BCAS3: variants seen among roughly 807,000 people sequenced by gnomAD.
BCAS3 encodes BCAS4/BCAS3 fusion.
A neutral mutation model predicts 116.1 loss-of-function variants in BCAS3; 53 were observed. That is an observed-to-expected ratio of 0.46 (90% CI 0.37 to 0.57). BCAS3 has a LOEUF of 0.57. Among genes scored for constraint, BCAS3 ranks in the 20% least tolerant of loss-of-function variants. The probability of loss-of-function intolerance (pLI) is 0.00; values close to 1 mark genes in which losing one functional copy is unlikely to be tolerated. For missense variants in BCAS3, 917 were observed against 1,165.4 expected (o/e 0.79, Z 3.10); for synonymous variants, 391 against 408.2 (o/e 0.96, Z 0.51).
chr17:60,861,749 TG>T (rs1256159600), intron 7 of BCAS3, among the ~76,000 whole-genome samples: 7 of 152,242 alleles, frequency 4.6e-5, no homozygotes, highest in Admixed American at 3.9e-4. Flanking sequence ...GATGATCATT[TG>T]TTTTTTTGTT....
At chr17:61,187,151 C>T (rs2079829779) in intron 22 of BCAS3, among the ~76,000 whole-genome samples, 2 of 152,184 alleles carry the variant, frequency 1.3e-5, no homozygotes, top group South Asian at 4.1e-4. Context: ...ATTGAGTCAA[C>T]TTGCCAACAC....
intron 6 of BCAS3, among the ~76,000 whole-genome samples, chr17:60,804,192 T>A (rs1281948362): frequency 4.0e-5 from 6 of 151,098 alleles, no homozygotes; most frequent in African/African-American, 7.3e-5. Flanking sequence ...GTAAAAAAGG[T>A]AGTATATTGG....
At chr17:60,774,409 G>A (rs749032329) in intron 6 of BCAS3, among the ~76,000 whole-genome samples, 17 of 152,234 alleles carry the variant, frequency 1.1e-4, no homozygotes, top group Admixed American at 1.3e-4. Flanking sequence ...GAATTTTAAT[G>A]TGGTTATCTA....
intron 7 of BCAS3, among the ~76,000 whole-genome samples, chr17:60,814,974 C>T (rs1030327722): frequency 2.6e-5 from 4 of 152,152 alleles, no homozygotes; most frequent in Admixed American, 1.3e-4. Flanking sequence ...GATTATAAAT[C>T]ATGCTGCTAT....
At chr17:60,947,185 T>A (rs777756144) in intron 13 of BCAS3, 34 bp from the exon 14 acceptor site, 2 of 1,583,384 alleles carry the variant, frequency 1.3e-6, no homozygotes, top group African/African-American at 2.7e-5. Flanking sequence ...TACATAATCA[T>A]TTTTATTTTT....
At chr17:60,789,418 T>G (rs2046563967) in intron 6 of BCAS3, among the ~76,000 whole-genome samples, 1 of 152,166 alleles carries the variant, frequency 6.6e-6, no homozygotes, top group Non-Finnish European at 1.5e-5. Context: ...GGAGAGGAGT[T>G]GGTGACTTGG....
At chr17:61,369,757 C>T (rs537937599) in intron 23 of BCAS3, among the ~76,000 whole-genome samples, 5 of 152,344 alleles carry the variant, frequency 3.3e-5, no homozygotes, top group African/African-American at 4.8e-5. Flanking sequence ...GGTAGCATGT[C>T]ATCATGCCAC....
At chr17:60,693,117 C>T (rs1162159744) in intron 4 of BCAS3, among the ~76,000 whole-genome samples, 1 of 151,878 alleles carries the variant, frequency 6.6e-6, no homozygotes, top group African/African-American at 2.4e-5. Flanking sequence ...CTCAGGTCAT[C>T]TGCCCGCTTT....
chr17:61,356,597 A>G lies in BCAS3; in HGVS notation c.2426-11730A>G, dbSNP rs1015053323. ...GTGTGAGGGCCTCAGCCATTTCTTG[A>G]CAGTCATGAAAAGGTGTCTCCTAGG... is the stretch of plus-strand genomic sequence containing the variant. On this transcript the variant is annotated intron_variant, in intron 22 of 23. Coordinates refer to ENST00000407086, the MANE Select transcript of BCAS3 (RefSeq NM_017679.5). This position sits in a 1 kb window ranked among gnomAD's most constrained non-coding sequence, Gnocchi z 5.4. Among the ~76,000 whole-genome samples, 1 of 152,152 alleles carries G rather than the reference A, an allele frequency of 6.6e-6. No individual in the cohort carries two copies. Among genetic ancestry groups the G allele is most frequent in the Non-Finnish European group, 1.5e-5 (1 of 68,014 alleles).
In BCAS3 at chr17:61,211,455, C is replaced by G. The variant is rs1413893273; in HGVS notation, c.2425+126891C>G. Among the ~76,000 whole-genome samples, 2 of 152,138 alleles carry G rather than the reference C, an allele frequency of 1.3e-5. No homozygotes were observed. The highest frequency in any genetic ancestry group is 4.8e-5 in the African/African-American group (2 of 41,436). ...AATTTGAGCCCTTTTGAGTTGACCT[C>G]CCTTGGATGAGTAGCTCTTTGAAAG... On this transcript the variant is annotated intron_variant, in intron 22 of 23. Transcript: ENST00000407086. The surrounding 1 kb of genome is among the most constrained non-coding windows in gnomAD (Gnocchi z 4.4).
chr17:61,257,147 C>G (rs1245323507), intron 22 of BCAS3, among the ~76,000 whole-genome samples: 1 of 152,042 alleles, frequency 6.6e-6, no homozygotes, highest in Non-Finnish European at 1.5e-5. Flanking sequence ...ACTGGCCAGG[C>G]GTGGTGGCTC....
intron 7 of BCAS3, among the ~76,000 whole-genome samples, chr17:60,821,476 A>G (rs1248177907): frequency 6.6e-6 from 1 of 152,134 alleles, no homozygotes; most frequent in Non-Finnish European, 1.5e-5. Context: ...CTTATTCCCC[A>G]AAGTTTCCTC....
chr17:61,200,011 A>G lies in BCAS3; in HGVS notation c.2425+115447A>G, dbSNP rs969946918. ...AGGAAATTGGAAACACCAATTTTGG[A>G]TGAGATAAGTTACCCTTTCTTCCAG... is the stretch of plus-strand genomic sequence containing the variant. On this transcript the variant is annotated intron_variant, in intron 22 of 23. Transcript: ENST00000407086. The surrounding 1 kb of genome is among the most constrained non-coding windows in gnomAD (Gnocchi z 5.1). Among the ~76,000 whole-genome samples the G allele has an allele frequency of 2.6e-5, 4 of 152,174 alleles. No homozygotes were observed. The highest frequency in any genetic ancestry group is 5.9e-5 in the Non-Finnish European group (4 of 68,024).
intron 4 of BCAS3, among the ~76,000 whole-genome samples, chr17:60,690,719 A>C (rs1165895700): frequency 6.6e-6 from 1 of 151,922 alleles, no homozygotes; most frequent in Non-Finnish European, 1.5e-5. Context: ...TCAGGAGTTC[A>C]AGACCAGCCT....
chr17:60,761,327 A>T (rs2043506366), intron 6 of BCAS3, among the ~76,000 whole-genome samples: 1 of 152,012 alleles, frequency 6.6e-6, no homozygotes, highest in African/African-American at 2.4e-5. Context: ...CTCGTCATTG[A>T]CATTAGATAT....
At position 61,037,425 on chromosome 17, in the gene BCAS3, T is replaced by C. The variant is rs1257516833; in HGVS notation, c.1763-464T>C. On this transcript the variant is annotated intron_variant, in intron 17 of 23. Coordinates refer to ENST00000407086, the MANE Select transcript of BCAS3 (RefSeq NM_017679.5). This position sits in a 1 kb window ranked among gnomAD's most constrained non-coding sequence, Gnocchi z 4.7. Reference sequence around the variant, plus strand: ...ATATCATAGACATTTTCATATTCACTAGCATGTGCTTATACGAGGCAACCT... The same window carrying C: ...ATATCATAGACATTTTCATATTCACCAGCATGTGCTTATACGAGGCAACCT... 1.3e-5 allele frequency among the ~76,000 whole-genome samples: 2 copies of C among 152,226 alleles called. No individual in the cohort carries two copies. The highest frequency in any genetic ancestry group is 2.9e-5 in the Non-Finnish European group (2 of 68,038).
chr17:61,173,101 G>A (rs1284327475), intron 22 of BCAS3, among the ~76,000 whole-genome samples: 2 of 152,022 alleles, frequency 1.3e-5, no homozygotes, highest in Non-Finnish European at 2.9e-5. Context: ...CCAAATATTT[G>A]GAACCTAGCA....
chr17:61,382,965 C>G (rs2059677350), intron 23 of BCAS3: 1 of 152,350 alleles, frequency 6.6e-6, no homozygotes, highest in South Asian at 2.1e-4. Context: ...TTGGACCCTG[C>G]TGTCCCTTCA....
rs530015986 is a variant in BCAS3, at chr17:60,967,649, G to A, written c.1221+20297G>A. The stretch of plus-strand genomic sequence containing the variant: ...TACCCTTTAGTCTTATCTCCCTCTT[G>A]AATACCAATAATTCTTAGATTTGGT... On this transcript the variant is annotated intron_variant, in intron 14 of 23. Coordinates refer to ENST00000407086, the MANE Select transcript of BCAS3 (RefSeq NM_017679.5). The surrounding 1 kb of genome is among the most constrained non-coding windows in gnomAD (Gnocchi z 4.7). 6.6e-6 allele frequency among the ~76,000 whole-genome samples: 1 copy of A among 151,956 alleles called. No individual in the cohort carries two copies. The highest frequency in any genetic ancestry group is 1.5e-5 in the Non-Finnish European group (1 of 67,980).
Sources: gnomAD v4.1 joint callset for allele counts (sites outside exome capture counted in the v4.1 genomes callset) on GRCh38, gnomAD v4.1.1 for gene constraint, Gnocchi (gnomAD v3.1) non-coding constraint, MANE v1.5 for transcripts, NCBI Gene and HGNC (gene_info 2026-07-23, HGNC 2026-07-21) for gene names.